THSD4: variants seen among roughly 807,000 people sequenced by gnomAD.
THSD4 encodes the protein thrombospondin type 1 domain containing 4.
THSD4 carries 69 observed loss-of-function variants against 119.0 expected under a neutral mutation model. The observed-to-expected ratio is 0.58, with a 90% CI of 0.48 to 0.71. The LOEUF (loss-of-function observed/expected upper bound fraction) is 0.71, where lower values mean the gene tolerates loss of function less well. Ranked by LOEUF, THSD4 falls within the 30% of genes least tolerant of loss-of-function variation. The pLI is 0.00. For missense variants in THSD4, 1,393 were observed against 1,391.1 expected (o/e 1.00, Z -0.02); for synonymous variants, 524 against 540.4 (o/e 0.97, Z 0.42).
At chr15:71,369,081 C>T (rs2046007684) in intron 6 of THSD4, among the ~76,000 whole-genome samples, 1 of 151,424 alleles carries the variant, frequency 6.6e-6, no homozygotes, top group Non-Finnish European at 1.5e-5. Flanking sequence ...ATTTGGCTCT[C>T]TGTCTGTTAT....
intron 7 of THSD4, among the ~76,000 whole-genome samples, chr15:71,421,347 T>TCA (rs879566120): frequency 0.33 from 29,590 of 89,584 alleles, 5,784 homozygotes; most frequent in Admixed American, 0.41. Flanking sequence ...TCTTGTAGGA[T>TCA]AGGGCTTGTG....
intron 7 of THSD4, among the ~76,000 whole-genome samples, chr15:71,515,178 C>T (rs1351176965): frequency 2.0e-4 from 31 of 152,200 alleles, no homozygotes; most frequent in Admixed American, 2.0e-3. Flanking sequence ...TTCTGTGTCA[C>T]CTTAACAGGT....
At chr15:71,667,258 A>C (rs1021627827) in intron 8 of THSD4, among the ~76,000 whole-genome samples, 1 of 151,980 alleles carries the variant, frequency 6.6e-6, no homozygotes, top group Non-Finnish European at 1.5e-5. Context: ...CCATTTGGGG[A>C]AAAAAAAGTT....
intron 7 of THSD4, among the ~76,000 whole-genome samples, chr15:71,557,113 G>A (rs906174000): frequency 6.6e-6 from 1 of 152,128 alleles, no homozygotes; most frequent in African/African-American, 2.4e-5. Flanking sequence ...CAAGTTTGCT[G>A]TAAGTTTATG....
intron 3 of THSD4, among the ~76,000 whole-genome samples, chr15:71,174,829 C>T (rs970220243): frequency 1.8e-4 from 28 of 151,878 alleles, no homozygotes; most frequent in African/African-American, 6.8e-4. Flanking sequence ...GGTCCCTGAC[C>T]CCTGACCCCG....
chr15:71,124,824 C>T (rs1290703935), intron 1 of THSD4, among the ~76,000 whole-genome samples: 2 of 152,200 alleles, frequency 1.3e-5, no homozygotes, highest in Non-Finnish European at 2.9e-5. Context: ...GAGAAGATCG[C>T]TTGAGCCCAG....
chr15:71,557,405 A>T (rs533348149), intron 7 of THSD4, among the ~76,000 whole-genome samples: 1 of 152,274 alleles, frequency 6.6e-6, no homozygotes, highest in South Asian at 2.1e-4. Flanking sequence ...TTCTTTAAAA[A>T]AATATATATT....
chr15:71,472,530 C>A (rs2047596635), intron 7 of THSD4, among the ~76,000 whole-genome samples: 1 of 152,156 alleles, frequency 6.6e-6, no homozygotes, highest in Non-Finnish European at 1.5e-5. Flanking sequence ...AGAACTCCCC[C>A]CAGTTGAAGA....
intron 7 of THSD4, among the ~76,000 whole-genome samples, chr15:71,479,547 T>C (rs1185976137): frequency 6.6e-6 from 1 of 152,170 alleles, no homozygotes; most frequent in Non-Finnish European, 1.5e-5. Flanking sequence ...CAGATATGCA[T>C]CTCGGAGTCT....
At chr15:71,540,809 A>G (rs7173455) in intron 7 of THSD4, among the ~76,000 whole-genome samples, 27,420 of 141,502 alleles carry the variant, frequency 0.19, 2,264 homozygotes, top group Admixed American at 0.27. Context: ...TGCAACCTCT[A>G]ACTCCTGGGT....
intron 7 of THSD4, among the ~76,000 whole-genome samples, chr15:71,445,747 G>A (rs1157393363): frequency 6.6e-6 from 1 of 152,220 alleles, no homozygotes; most frequent in Non-Finnish European, 1.5e-5. Context: ...TTGGCTGACT[G>A]GAAAGAGGTG....
At chr15:71,399,248 T>A (rs2046491752) in intron 6 of THSD4, among the ~76,000 whole-genome samples, 1 of 152,192 alleles carries the variant, frequency 6.6e-6, no homozygotes, top group South Asian at 2.1e-4. Flanking sequence ...AGCCTTAGGT[T>A]CCTTGTCCTC....
chr15:71,780,978 A>G lies in THSD4; in HGVS notation c.*3604A>G, dbSNP rs2053989561. ...CTTTTCATTCGGATAGCCACTTTAT[A>G]GTTGGAATATCAATTCTAATGAGGA... On this transcript the variant is annotated 3_prime_UTR_variant, in exon 18 of 18. Transcript: ENST00000261862. 1 of 348,558 alleles carries G rather than the reference A, an allele frequency of 2.9e-6. No individual in the cohort carries two copies. The highest frequency in any genetic ancestry group is 2.2e-5 in the South Asian group (1 of 44,638). The allele number at this position is 348,558 out of a possible 1,614,324, so 21.6% of individuals were successfully genotyped here. A position where few individuals can be genotyped will look rare whatever the true frequency, so the allele number is the denominator to read the frequency against.
intron 7 of THSD4, among the ~76,000 whole-genome samples, chr15:71,566,148 C>CT (rs1567040065): frequency 2.2e-5 from 1 of 45,328 alleles, no homozygotes. Context: ...TTTTCTTTTT[C>CT]TTTTTTTCTT....
intron 7 of THSD4, among the ~76,000 whole-genome samples, chr15:71,554,387 GC>G (rs1264482010): frequency 2.0e-5 from 3 of 151,458 alleles, no homozygotes; most frequent in Non-Finnish European, 2.9e-5. Flanking sequence ...GAGACACCAT[GC>G]CCCGGTTTTT....
chr15:71,580,867 A>G (rs1017809866), intron 7 of THSD4, among the ~76,000 whole-genome samples: 3 of 152,100 alleles, frequency 2.0e-5, no homozygotes, highest in Non-Finnish European at 4.4e-5. Flanking sequence ...ATACATATAT[A>G]TGTGTGTGTG....
intron 7 of THSD4, among the ~76,000 whole-genome samples, chr15:71,625,204 C>T (rs2050486497): frequency 6.6e-6 from 1 of 152,138 alleles, no homozygotes; most frequent in Non-Finnish European, 1.5e-5. Flanking sequence ...GATGGGGTTT[C>T]ACCATGTTGG....
chr15:71,636,342 G>A (rs1161035903), intron 7 of THSD4, among the ~76,000 whole-genome samples: 2 of 152,114 alleles, frequency 1.3e-5, no homozygotes, highest in Non-Finnish European at 2.9e-5. Context: ...AGAATCGCTT[G>A]AACCTGGGAG....
chr15:71,125,248 C>A (rs146210148), intron 1 of THSD4, among the ~76,000 whole-genome samples: 17 of 152,306 alleles, frequency 1.1e-4, no homozygotes, highest in Admixed American at 3.3e-4. Context: ...GCCTGACTCC[C>A]AACAGCCTGC....
Sources: gnomAD v4.1 joint callset for allele counts (sites outside exome capture counted in the v4.1 genomes callset) on GRCh38, gnomAD v4.1.1 for gene constraint, MANE v1.5 for transcripts, NCBI Gene and HGNC (gene_info 2026-07-23, HGNC 2026-07-21) for gene names.